The following DOK5 variants were observed in gnomAD, a reference collection of about 807,000 sequenced individuals.
DOK5 encodes the protein docking protein 5.
Under a neutral mutation model 43.3 loss-of-function variants are expected in DOK5, and 27 were observed. The observed-to-expected ratio is 0.62, with a 90% CI of 0.46 to 0.86. The LOEUF (loss-of-function observed/expected upper bound fraction) is 0.86. Ranked by LOEUF, DOK5 falls within the 40% of genes least tolerant of loss-of-function variation. DOK5 has a pLI of 0.00. For missense variants in DOK5, 373 were observed against 392.9 expected (o/e 0.95, Z 0.43); for synonymous variants, 146 against 140.1 (o/e 1.04, Z -0.30).
chr20:54,557,933 C>T (rs1338187851), intron 2 of DOK5, among the ~76,000 whole-genome samples: 4 of 152,276 alleles, frequency 2.6e-5, no homozygotes, highest in South Asian at 4.1e-4. Flanking sequence ...TCTACAAAGA[C>T]AGGGATTTTT....
chr20:54,535,208 C>T (rs564444332), intron 1 of DOK5, among the ~76,000 whole-genome samples: 6 of 152,260 alleles, frequency 3.9e-5, no homozygotes, highest in African/African-American at 1.4e-4. Context: ...GTTTCCTTCC[C>T]TTAAATTCTT....
At chr20:54,593,669 G>A (rs1206130236) in intron 5 of DOK5, among the ~76,000 whole-genome samples, 9 of 152,184 alleles carry the variant, frequency 5.9e-5, no homozygotes, top group African/African-American at 1.7e-4. Flanking sequence ...TCTCCAAAAT[G>A]TTTCTGTTAT....
chr20:54,643,464 A>G lies in DOK5; in HGVS notation c.742A>G (p.Met248Val), dbSNP rs1451527471. 2 of 1,613,390 alleles carry G rather than the reference A, an allele frequency of 1.2e-6. No homozygotes were observed. Among genetic ancestry groups the G allele is most frequent in the East Asian group, 2.2e-5 (1 of 44,892 alleles). The change falls in exon 7 of 8, where the codon ATG becomes GTG. Residue 248 changes from methionine to valine, a missense_variant. Coordinates refer to ENST00000262593, the MANE Select transcript of DOK5 (RefSeq NM_018431.5). ...TTCTTCCCTTTGGCTGCAGCTCCAG[A>G]TGAAGATGAGTGAGCGGGCCGCCTC... The part of the protein sequence containing the change: ...LQSVKNSMLQ[M>V]KMSERAASLS...
chr20:54,559,613 T>C (rs965213898), intron 2 of DOK5, among the ~76,000 whole-genome samples: 1 of 152,208 alleles, frequency 6.6e-6, no homozygotes, highest in African/African-American at 2.4e-5. Flanking sequence ...CATAACCCAC[T>C]GCAGCCCCTC....
chr20:54,644,712 A>AAAAAAAAAAAAAAAC (rs1555839792), intron 7 of DOK5, among the ~76,000 whole-genome samples: 3 of 130,702 alleles, frequency 2.3e-5, no homozygotes, highest in Admixed American at 7.2e-5. Context: ...TCTCAAAAAA[A>AAAAAAAAAAAAAAAC]AAAAAAAAAA....
At chr20:54,575,667 C>T (rs1320702761) in intron 2 of DOK5, among the ~76,000 whole-genome samples, 2 of 152,190 alleles carry the variant, frequency 1.3e-5, no homozygotes, top group Non-Finnish European at 2.9e-5. Context: ...TCTCAGACTC[C>T]TGACCTCAAA....
intron 2 of DOK5, among the ~76,000 whole-genome samples, chr20:54,569,235 C>A (rs902739325): frequency 6.6e-6 from 1 of 152,100 alleles, no homozygotes; most frequent in African/African-American, 2.4e-5. Context: ...GTGGTTCTTG[C>A]GTAAATTATA....
At chr20:54,620,047 A>G (rs1432425185) in intron 6 of DOK5, among the ~76,000 whole-genome samples, 5 of 150,954 alleles carry the variant, frequency 3.3e-5, no homozygotes. Context: ...GGGTTAACTT[A>G]TGGATTTTTT....
chr20:54,520,876 TC>T (rs1420098129), intron 1 of DOK5, among the ~76,000 whole-genome samples: 2 of 152,190 alleles, frequency 1.3e-5, no homozygotes, highest in African/African-American at 4.8e-5. Context: ...CTCTGAAGTT[TC>T]CCATGATTGT....
chr20:54,650,040 T>G (rs1408402704), intron 7 of DOK5, among the ~76,000 whole-genome samples: 1 of 152,240 alleles, frequency 6.6e-6, no homozygotes, highest in Non-Finnish European at 1.5e-5. Context: ...TTTACAAGAT[T>G]ACCAAAGTAT....
intron 7 of DOK5, among the ~76,000 whole-genome samples, chr20:54,646,246 C>CTTTTTTTTTT (rs1234153656): frequency 2.5e-5 from 2 of 80,676 alleles, no homozygotes; most frequent in African/African-American, 4.6e-5. Context: ...ACTGGTTATA[C>CTTTTTTTTTT]TGTTTTTTTT....
intron 5 of DOK5, among the ~76,000 whole-genome samples, chr20:54,603,780 A>G (rs1437131675): frequency 1.3e-5 from 2 of 151,696 alleles, no homozygotes; most frequent in Non-Finnish European, 2.9e-5. Context: ...ATTCCTCCCA[A>G]ATTTATTCCT....
At position 54,647,350 on chromosome 20, in the gene DOK5, C is replaced by T. The variant is rs750656887; in HGVS notation, c.857-3065C>T. On this transcript the variant is annotated intron_variant, in intron 7 of 7. Coordinates refer to ENST00000262593, the MANE Select transcript of DOK5 (RefSeq NM_018431.5). ...TGAAACCCCACCTCTACTAAAAATA[C>T]AAAAATTAGCTGGGCATGGTGGCGG... is the stretch of plus-strand genomic sequence containing the variant. 1.1e-4 allele frequency among the ~76,000 whole-genome samples: 17 copies of T among 151,892 alleles called. No individual in the cohort carries two copies. The East Asian group carries it at 3.3e-3, about 30-fold the overall frequency.
intron 6 of DOK5, among the ~76,000 whole-genome samples, chr20:54,616,398 C>A (rs1398288574): frequency 6.6e-6 from 1 of 152,156 alleles, no homozygotes; most frequent in Non-Finnish European, 1.5e-5. Context: ...ACACATAAAT[C>A]TCAGATTTTT....
chr20:54,533,252 G>A (rs1256298596), intron 1 of DOK5, among the ~76,000 whole-genome samples: 1 of 152,172 alleles, frequency 6.6e-6, no homozygotes, highest in Non-Finnish European at 1.5e-5. Flanking sequence ...CCTCTCAGTT[G>A]TGATGACCAA....
At chr20:54,591,965 C>A (rs1342648097) in intron 5 of DOK5, among the ~76,000 whole-genome samples, 160 bp downstream of exon 5, 1 of 152,154 alleles carries the variant, frequency 6.6e-6, no homozygotes, top group Non-Finnish European at 1.5e-5. Context: ...TATGAGGGGT[C>A]TTGTGAAATA....
intron 1 of DOK5, among the ~76,000 whole-genome samples, chr20:54,493,120 C>T (rs1450493419): frequency 6.6e-6 from 1 of 151,558 alleles, no homozygotes; most frequent in African/African-American, 2.4e-5. Flanking sequence ...CTCAATCCCC[C>T]ACTCCCCAAA....
chr20:54,600,324 C>T (rs1306714586), intron 5 of DOK5, among the ~76,000 whole-genome samples: 1 of 151,968 alleles, frequency 6.6e-6, no homozygotes, highest in Non-Finnish European at 1.5e-5. Context: ...TAGAGTTGGA[C>T]AACTACAGAG....
chr20:54,561,239 A>G (rs988021520), intron 2 of DOK5, among the ~76,000 whole-genome samples: 2 of 152,118 alleles, frequency 1.3e-5, no homozygotes, highest in South Asian at 4.2e-4. Flanking sequence ...CAATGAAAGC[A>G]GGGCTTTATT....
Sources: gnomAD v4.1 joint callset for allele counts (sites outside exome capture counted in the v4.1 genomes callset) on GRCh38, gnomAD v4.1.1 for gene constraint, MANE v1.5 for transcripts, NCBI Gene and HGNC (gene_info 2026-07-23, HGNC 2026-07-21) for gene names.